Variants in TSPAN2 observed in about 807,000 individuals in gnomAD.
TSPAN2 encodes the protein tetraspanin 2.
In TSPAN2, 24 loss-of-function variants were observed where a neutral mutation model predicts 33.3. The observed-to-expected ratio is 0.72, with a 90% CI of 0.52 to 1.01. The LOEUF (loss-of-function observed/expected upper bound fraction) is 1.01, where lower values mean the gene tolerates loss of function less well. Among genes scored for constraint, TSPAN2 ranks in the 50% least tolerant of loss-of-function variants. The pLI is 0.00. For synonymous variants in TSPAN2, 114 were observed against 104.5 expected, an observed-to-expected ratio of 1.09 and a Z score of -0.56; for missense variants, 278 against 281.3, an observed-to-expected ratio of 0.99 and a Z score of 0.08.
chr1:115,070,652 A>T (rs1282000120), intron 2 of TSPAN2, among the ~76,000 whole-genome samples: 1 of 150,662 alleles, frequency 6.6e-6, no homozygotes, highest in Admixed American at 6.6e-5. Context: ...TTCTTTGTGC[A>T]TGCCTTCCCC....
At chr1:115,082,443 GCTA>G (rs1435968859) in intron 1 of TSPAN2, among the ~76,000 whole-genome samples, 2 of 152,178 alleles carry the variant, frequency 1.3e-5, no homozygotes, top group Non-Finnish European at 2.9e-5. Flanking sequence ...GATGATAACT[GCTA>G]CTATTTCATA....
chr1:115,069,032 C>T (rs571384080), intron 2 of TSPAN2, among the ~76,000 whole-genome samples: 16 of 152,286 alleles, frequency 1.1e-4, no homozygotes, highest in Admixed American at 2.0e-4. Context: ...CCTTATTCTG[C>T]GTGGTGCTAA....
chr1:115,087,245 C>T (rs757641940), intron 1 of TSPAN2, among the ~76,000 whole-genome samples: 1 of 151,896 alleles, frequency 6.6e-6, no homozygotes, highest in African/African-American at 2.4e-5. Context: ...TGACAAATTC[C>T]CAGGATATGC....
In TSPAN2 at chr1:115,055,201, T is replaced by G. The variant is rs538663494; in HGVS notation, c.517-1739A>C. Among the ~76,000 whole-genome samples, 26 of 152,302 alleles carry G rather than the reference T, an allele frequency of 1.7e-4. No homozygotes were observed. In the South Asian group the frequency reaches 4.1e-3, roughly 24 times the overall value. ...AACAACACTCGAGACTGTCCTCCTC[T>G]AGTTCTGCCATTAGGCCCTCCTTCC... On this transcript the variant is annotated intron_variant, in intron 6 of 7. Coordinates refer to ENST00000369516, the MANE Select transcript of TSPAN2 (RefSeq NM_005725.6).
chr1:115,059,112 C>G, intron 4 of TSPAN2, 131 bp from the exon 5 acceptor site: 2 of 725,506 alleles, frequency 2.8e-6, no homozygotes, highest in Non-Finnish European at 4.7e-6. Flanking sequence ...ATACAATGGA[C>G]TTTGGGGACT....
At chr1:115,074,722 T>A (rs1452718436) in intron 1 of TSPAN2, among the ~76,000 whole-genome samples, 2 of 152,164 alleles carry the variant, frequency 1.3e-5, no homozygotes, top group South Asian at 2.1e-4. Flanking sequence ...AATACATTTT[T>A]AAAGTGTTAC....
At chr1:115,076,927 CTT>C (rs564428993) in intron 1 of TSPAN2, among the ~76,000 whole-genome samples, 7 of 144,302 alleles carry the variant, frequency 4.9e-5, no homozygotes, top group Non-Finnish European at 3.1e-5. Context: ...TCCTCCCTCC[CTT>C]TTTTTTTTTT....
At chr1:115,060,575 A>G (rs1404741490) in intron 3 of TSPAN2, 37 bp from the exon 4 acceptor site, 1 of 1,524,636 alleles carries the variant, frequency 6.6e-7, no homozygotes, top group East Asian at 2.3e-5. Context: ...CATTAATTTA[A>G]TACCTTTTCA....
At chr1:115,064,529 C>T (rs987105428) in intron 2 of TSPAN2, among the ~76,000 whole-genome samples, 2 of 152,206 alleles carry the variant, frequency 1.3e-5, no homozygotes, top group Non-Finnish European at 2.9e-5. Flanking sequence ...CCATTTTGTG[C>T]TTTTGCAGGT....
chr1:115,065,531 T>C (rs1345606753), intron 2 of TSPAN2, among the ~76,000 whole-genome samples: 2 of 152,226 alleles, frequency 1.3e-5, no homozygotes, highest in Non-Finnish European at 2.9e-5. Context: ...GGGATGCCAG[T>C]GATCTCTGTG....
chr1:115,078,211 T>C (rs796317024), intron 1 of TSPAN2, among the ~76,000 whole-genome samples: 1 of 152,240 alleles, frequency 6.6e-6, no homozygotes, highest in African/African-American at 2.4e-5. Flanking sequence ...ATGACCTAGA[T>C]AGGTACCTTC....
intron 6 of TSPAN2, among the ~76,000 whole-genome samples, chr1:115,054,911 T>G (rs1647333609): frequency 1.3e-5 from 2 of 152,052 alleles, no homozygotes; most frequent in African/African-American, 4.8e-5. Flanking sequence ...CACTTGAACC[T>G]GGGAGGTGGA....
chr1:115,089,312 G>GGCCCCCCCCCCGCCCCCCGC, intron 1 of TSPAN2, 52 bp downstream of exon 1: 2 of 1,389,162 alleles, frequency 1.4e-6, no homozygotes, highest in Non-Finnish European at 2.0e-6. Context: ...CCGGCCCCGC[G>GGCCCCCCCCCCGCCCCCCGC]CCCGCCACCC....
intron 6 of TSPAN2, among the ~76,000 whole-genome samples, chr1:115,056,707 T>C (rs1293765100): frequency 1.3e-5 from 2 of 152,186 alleles, no homozygotes; most frequent in African/African-American, 4.8e-5. Context: ...GCATTCCTAA[T>C]CACTGGACCG....
intron 2 of TSPAN2, among the ~76,000 whole-genome samples, chr1:115,070,702 T>C (rs1648136069): frequency 6.6e-6 from 1 of 152,142 alleles, no homozygotes; most frequent in Non-Finnish European, 1.5e-5. Context: ...TCTCCATTGA[T>C]TACAGCCTGG....
chr1:115,061,449 T>G (rs1454329523), intron 3 of TSPAN2, among the ~76,000 whole-genome samples: 1 of 152,198 alleles, frequency 6.6e-6, no homozygotes, highest in Non-Finnish European at 1.5e-5. Flanking sequence ...TTTGGTTAAG[T>G]TATTGATCTC....
intron 1 of TSPAN2, among the ~76,000 whole-genome samples, chr1:115,080,596 T>A (rs1390387307): frequency 6.6e-6 from 1 of 152,142 alleles, no homozygotes; most frequent in African/African-American, 2.4e-5. Flanking sequence ...CTTTATACTA[T>A]ACAGCAAAAT....
At chr1:115,051,939 C>T (rs1445223853) in intron 7 of TSPAN2, among the ~76,000 whole-genome samples, 3 of 152,218 alleles carry the variant, frequency 2.0e-5, no homozygotes, top group East Asian at 1.9e-4. Context: ...GGGCATTTCC[C>T]CTTTATCATT....
chr1:115,079,713 T>C (rs758199734), intron 1 of TSPAN2, among the ~76,000 whole-genome samples: 47 of 152,212 alleles, frequency 3.1e-4, no homozygotes, highest in Non-Finnish European at 8.8e-5. Flanking sequence ...GAGGCAGGAC[T>C]GTGGCAGCCT....
Sources: allele counts gnomAD v4.1 joint callset (sites outside exome capture counted in the v4.1 genomes callset), GRCh38; gene constraint gnomAD v4.1.1; transcripts MANE v1.5; gene names NCBI Gene and HGNC (gene_info 2026-07-23, HGNC 2026-07-21).